TRPV4: variants seen among roughly 807,000 people sequenced by gnomAD.
The protein encoded by TRPV4 is OSM9-like transient receptor potential channel 4.
TRPV4 carries 58 observed loss-of-function variants against 84.1 expected under a neutral mutation model. The observed-to-expected ratio is 0.69, with a 90% CI of 0.56 to 0.86. The LOEUF is 0.86. TRPV4 is among the 40% of genes least tolerant of loss of function. The pLI, the probability that TRPV4 is intolerant of heterozygous loss-of-function variation, is 0.00. For missense variants in TRPV4, 879 were observed against 1,181.1 expected (o/e 0.74, Z 3.75); for synonymous variants, 489 against 500.9 (o/e 0.98, Z 0.32).
chr12:109,830,150 TC>T (rs774556697), intron 1 of TRPV4, among the ~76,000 whole-genome samples: 14 of 151,958 alleles, frequency 9.2e-5, no homozygotes, highest in Non-Finnish European at 1.6e-4. Flanking sequence ...GCAGAGTAGC[TC>T]CCCCATGACC....
At chr12:109,810,603 A>T (rs1476951343) in intron 2 of TRPV4, among the ~76,000 whole-genome samples, 1 of 152,200 alleles carries the variant, frequency 6.6e-6, no homozygotes, top group Admixed American at 6.5e-5. Flanking sequence ...GATCATTAGC[A>T]TCCACAGTAG....
At chr12:109,816,213 A>G (rs1891836157) in intron 1 of TRPV4, among the ~76,000 whole-genome samples, 1 of 152,238 alleles carries the variant, frequency 6.6e-6, no homozygotes, top group South Asian at 2.1e-4. Flanking sequence ...TAGTGGGCGC[A>G]GCAGGACACA....
chr12:109,798,824 C>T lies in TRPV4; in HGVS notation c.942G>A (p.Met314Ile), dbSNP rs1890592465. The change falls in exon 6 of 16, where the codon ATG becomes ATA. Residue 314 changes from methionine to isoleucine, a missense_variant. Around this residue, in one of 4 missense-constraint regions of TRPV4, gnomAD observed 521 missense variants for 686.6 expected, o/e 0.76. Transcript: ENST00000261740. The surrounding 1 kb of genome is among the most constrained non-coding windows in gnomAD (Gnocchi z 5.0). ...TGTTGCCTCGCGAGTCCTGGCGCCG[C>T]ATGTCCGCCTTCTTGTGGGGGTTCT... The part of the protein sequence containing the change: ...LTENPHKKAD[M>I]RRQDSRGNTV... The T allele has an allele frequency of 6.2e-7, 1 of 1,614,080 alleles. No individual in the cohort carries two copies. The highest frequency in any genetic ancestry group is 1.3e-5 in the African/African-American group (1 of 74,936).
chr12:109,793,937 A>C lies in TRPV4; in HGVS notation c.1577T>G (p.Phe526Cys), dbSNP rs1329377960. ...ITLFTGVLFFFTNIKDLFMKK... is the reference protein window; with the variant it reads ...ITLFTGVLFFCTNIKDLFMKK... ...CGGGGGCCAGGCACTTACGTTGGTG[A>C]AGAAGAACAGGACCCCAGTGAAGAG... Residue 526 changes from phenylalanine (F) to cysteine (C), a missense_variant, in exon 9 of 16, where the codon TTC (phenylalanine) becomes TGC (cysteine). This residue lies in a region of TRPV4 where 521 missense variants were observed against 686.6 expected (regional missense o/e 0.76). Transcript: ENST00000261740. This position sits in a 1 kb window ranked among gnomAD's most constrained non-coding sequence, Gnocchi z 4.0. The C allele has an allele frequency of 8.7e-6, 14 of 1,608,632 alleles. No individual in the cohort carries two copies. The highest frequency in any genetic ancestry group is 1.2e-5 in the Non-Finnish European group (14 of 1,178,324).
intron 1 of TRPV4, among the ~76,000 whole-genome samples, chr12:109,819,655 A>G (rs1481529986): frequency 6.6e-6 from 1 of 152,168 alleles, no homozygotes; most frequent in East Asian, 1.9e-4. Context: ...TCCTCCTCCC[A>G]GGCTCAAGCA....
chr12:109,799,965 C>T (rs1263087632), intron 5 of TRPV4, among the ~76,000 whole-genome samples: 2 of 151,276 alleles, frequency 1.3e-5, no homozygotes, highest in East Asian at 3.9e-4. Flanking sequence ...TTTTTTGAGA[C>T]AGAGTCTCAC....
At chr12:109,818,890 C>G (rs946218687) in intron 1 of TRPV4, among the ~76,000 whole-genome samples, 5 of 152,132 alleles carry the variant, frequency 3.3e-5, no homozygotes, top group African/African-American at 9.7e-5. Flanking sequence ...TTCAATCCCC[C>G]GAAGAACCTG....
At chr12:109,807,393 CTTTTT>C (rs377690733) in intron 3 of TRPV4, among the ~76,000 whole-genome samples, 4 of 135,120 alleles carry the variant, frequency 3.0e-5, no homozygotes, top group African/African-American at 1.1e-4. Context: ...TATCACAATT[CTTTTT>C]TTTTTTTTTT....
chr12:109,794,185 A>C (rs1890235054), intron 8 of TRPV4, 144 bp downstream of exon 8: 1 of 1,199,318 alleles, frequency 8.3e-7, no homozygotes, highest in Admixed American at 2.0e-5. Context: ...CCACCCGTGG[A>C]TGCTGGAGGG....
rs1173852777 is a variant in TRPV4 at position 109,803,602 on chromosome 12, C to CTT, written c.560-460_560-459insAA. 3.9e-5 allele frequency among the ~76,000 whole-genome samples: 6 copies of CTT among 151,972 alleles called. No individual in the cohort carries two copies. In the East Asian group the frequency reaches 1.2e-3, roughly 29 times the overall value. ...AGTAGCAGCTAAGACTACAGGTGTG[C>CTT]ACCTCCATGCTCAACTAATTTTTTA... On this transcript the variant is annotated intron_variant, in intron 3 of 15. Transcript: ENST00000261740.
chr12:109,787,226 A>C (rs1889748053), intron 13 of TRPV4, among the ~76,000 whole-genome samples: 1 of 152,214 alleles, frequency 6.6e-6, no homozygotes, highest in African/African-American at 2.4e-5. Flanking sequence ...CCAACTTTTC[A>C]AGAAAAGCCA....
chr12:109,807,055 T>C lies in TRPV4; in HGVS notation c.559+1241A>G, dbSNP rs561910185. ...ACTTCGGGAGGCCAAGGCGGGCAGATCACCTGAGGTCGAGAGTTCAAGACC... is the reference window on the plus strand; with the variant it reads ...ACTTCGGGAGGCCAAGGCGGGCAGACCACCTGAGGTCGAGAGTTCAAGACC... On this transcript the variant is annotated intron_variant, in intron 3 of 15. Transcript: ENST00000261740. Among the ~76,000 whole-genome samples the C allele has an allele frequency of 4.6e-5, 7 of 152,154 alleles. No individual in the cohort carries two copies. In the South Asian group the frequency reaches 1.5e-3, roughly 32 times the overall value.
At chr12:109,808,972 T>C (rs1286764987) in intron 2 of TRPV4, among the ~76,000 whole-genome samples, 36 of 104,302 alleles carry the variant, frequency 3.5e-4, no homozygotes, top group East Asian at 6.8e-4. Context: ...TCCATCCATC[T>C]ACCCATCCAC....
Position 109,792,663 on chromosome 12 carries a change from TG to T in TRPV4, c.1812del (p.Met605Ter). On this transcript the variant is annotated frameshift_variant, in exon 11 of 16. Coordinates refer to ENST00000261740, the MANE Select transcript of TRPV4 (RefSeq NM_021625.5). LOFTEE classifies it high-confidence loss of function. The part of the protein sequence containing the change: ...RGLKLTGTYS[I>X]MIQKILFKDL... ...CTCCCAGCCCGTACCTTCTGGATCA[TG>T]ATGCTATAGGTCCCCGTCAGCTTCA... is the stretch of plus-strand genomic sequence containing the variant. 1 of 1,614,152 alleles carries T rather than the reference TG, an allele frequency of 6.2e-7. No individual in the cohort carries two copies. Among genetic ancestry groups the T allele is most frequent in the South Asian group, 1.1e-5 (1 of 91,076 alleles).
chr12:109,784,267 G>A (rs774513734), intron 15 of TRPV4, 49 bp downstream of exon 15: 12 of 1,613,424 alleles, frequency 7.4e-6, no homozygotes, highest in African/African-American at 2.7e-5. Context: ...AAGCAAATTC[G>A]TGATGAGAAT....
intron 1 of TRPV4, among the ~76,000 whole-genome samples, chr12:109,817,986 G>A (rs1313284079): frequency 6.6e-6 from 1 of 152,174 alleles, no homozygotes; most frequent in Non-Finnish European, 1.5e-5. Flanking sequence ...ATCTGCCCTG[G>A]AAGTAGGTAC....
intron 12 of TRPV4, among the ~76,000 whole-genome samples, chr12:109,789,945 T>C (rs1253286825): frequency 1.3e-5 from 2 of 152,224 alleles, no homozygotes; most frequent in Non-Finnish European, 1.5e-5. Context: ...TAGTGCATCC[T>C]ATAAGGAGAA....
rs1011607708 is a variant in TRPV4 at position 109,793,912 on chromosome 12, C to CG, written c.1584+17dup. ...AGGAGGGCAGGCAGGGTGGGGGGCA[C>CG]GGGGGCCAGGCACTTACGTTGGTGA... On this transcript the variant is annotated intron_variant, in intron 9 of 15. Coordinates refer to ENST00000261740, the MANE Select transcript of TRPV4 (RefSeq NM_021625.5). This position sits in a 1 kb window ranked among gnomAD's most constrained non-coding sequence, Gnocchi z 4.0. 2.0e-5 allele frequency: 31 copies of CG among 1,586,440 alleles called. No individual in the cohort carries two copies. Among genetic ancestry groups the CG allele is most frequent in the Admixed American group, 3.5e-5 (2 of 56,708 alleles).
chr12:109,789,313 A>G (rs1459378586), intron 12 of TRPV4, among the ~76,000 whole-genome samples: 1 of 152,144 alleles, frequency 6.6e-6, no homozygotes, highest in Non-Finnish European at 1.5e-5. Flanking sequence ...GGTCCCCGCC[A>G]CGAAGAATGA....
Sources: gnomAD v4.1 joint callset for allele counts (sites outside exome capture counted in the v4.1 genomes callset) on GRCh38, gnomAD v4.1.1 for gene constraint, gnomAD v4.1.1 regional missense constraint, Gnocchi (gnomAD v3.1) non-coding constraint, MANE v1.5 for transcripts, NCBI Gene and HGNC (gene_info 2026-07-23, HGNC 2026-07-21) for gene names.